Variants in CATSPERE observed in about 807,000 individuals in gnomAD.
CATSPERE encodes the protein cation channel sperm-associated auxiliary subunit epsilon.
A neutral mutation model predicts 114.1 loss-of-function variants in CATSPERE; 93 were observed. That is an observed-to-expected ratio of 0.81 (90% CI 0.69 to 0.97). CATSPERE has a LOEUF of 0.97. Among genes scored for constraint, CATSPERE ranks in the 50% least tolerant of loss-of-function variants. CATSPERE has a pLI of 0.00. For missense variants in CATSPERE, 1,058 were observed against 1,131.6 expected (o/e 0.93, Z 0.93); for synonymous variants, 341 against 384.1 (o/e 0.89, Z 1.31).
At chr1:244,479,612 A>C in intron 4 of CATSPERE, 105 bp from the exon 5 acceptor site, 88 of 540,256 alleles carry the variant, frequency 1.6e-4, no homozygotes, top group Non-Finnish European at 1.6e-4. Context: ...GCTTCCTCTG[A>C]TCGTGGATAA....
chr1:244,634,575 C>G (rs1354961742), intron 20 of CATSPERE, among the ~76,000 whole-genome samples: 1 of 152,154 alleles, frequency 6.6e-6, no homozygotes, highest in Non-Finnish European at 1.5e-5. Context: ...AATGATAATA[C>G]AGTTTTACAG....
intron 5 of CATSPERE, among the ~76,000 whole-genome samples, chr1:244,481,272 A>G (rs1216608082): frequency 6.6e-6 from 1 of 152,082 alleles, no homozygotes; most frequent in Non-Finnish European, 1.5e-5. Flanking sequence ...ACATGGTGAA[A>G]TCCCATCTCT....
At chr1:244,555,607 T>G (rs1001896156) in intron 9 of CATSPERE, among the ~76,000 whole-genome samples, 6 of 152,034 alleles carry the variant, frequency 3.9e-5, no homozygotes, top group Non-Finnish European at 7.4e-5. Flanking sequence ...GAGAAAGAAA[T>G]AAAAGGCATT....
At position 244,489,457 on chromosome 1, in the gene CATSPERE, T is replaced by TC. The variant is rs1012544758; in HGVS notation, c.327-990_327-989insC. Among the ~76,000 whole-genome samples, 30 of 22,606 alleles carry TC rather than the reference T, an allele frequency of 1.3e-3. 1 individual carries two copies. Among genetic ancestry groups the TC allele is most frequent in the Non-Finnish European group, 9.0e-4 (10 of 11,150 alleles). 14.8% of individuals were successfully genotyped at this position (22,606 alleles called of 152,430 possible). ...TATTAAGGAAGCATGCAGATTTTTT[T>TC]TTTTTTTTTTTTTTTTTTTTTTTTG... is the stretch of plus-strand genomic sequence containing the variant. On this transcript the variant is annotated intron_variant, in intron 5 of 21. Coordinates refer to ENST00000366534, the MANE Select transcript of CATSPERE (RefSeq NM_001130957.2).
Position 244,605,758 on chromosome 1 carries a change from C to T in CATSPERE, c.2367C>T (p.Gly789=). 2 of 1,613,264 alleles carry T rather than the reference C, an allele frequency of 1.2e-6. No homozygotes were observed. Among genetic ancestry groups the T allele is most frequent in the Non-Finnish European group, 1.7e-6 (2 of 1,179,450 alleles). The change falls in exon 18 of 22, where the codon GGC becomes GGT. Residue 789 remains glycine (G), a synonymous_variant. Coordinates refer to ENST00000366534, the MANE Select transcript of CATSPERE (RefSeq NM_001130957.2). ...EANFIVWEIH[G]RDDYSFNNTM... is the part of the protein sequence containing the mutation. ...ATTTCATAGTGTGGGAAATACACGG[C>T]AGGGATGACTATAGCTTTAATAATA... is the stretch of plus-strand genomic sequence containing the variant.
chr1:244,468,854 G>A (rs1668017135), intron 2 of CATSPERE, among the ~76,000 whole-genome samples: 1 of 152,110 alleles, frequency 6.6e-6, no homozygotes, highest in Non-Finnish European at 1.5e-5. Context: ...GCAGGGAGAG[G>A]CTGCAGTGAG....
At chr1:244,494,994 T>C (rs555792926) in intron 6 of CATSPERE, among the ~76,000 whole-genome samples, 1 of 152,282 alleles carries the variant, frequency 6.6e-6, no homozygotes, top group South Asian at 2.1e-4. Flanking sequence ...TAAGAGAACT[T>C]ACAGAAGTAG....
upstream of CATSPERE, among the ~76,000 whole-genome samples, chr1:244,459,709 A>G (rs1666486141): frequency 6.6e-6 from 1 of 152,188 alleles, no homozygotes; most frequent in Admixed American, 6.5e-5. Context: ...TAATGCTTTC[A>G]AATCTTTACT....
chr1:244,594,558 C>T (rs1668138178), intron 17 of CATSPERE, among the ~76,000 whole-genome samples: 1 of 152,032 alleles, frequency 6.6e-6, no homozygotes, highest in Non-Finnish European at 1.5e-5. Context: ...AGTGAATATC[C>T]ATTCATGTAC....
intron 21 of CATSPERE, among the ~76,000 whole-genome samples, chr1:244,637,958 G>C (rs1008676696): frequency 2.0e-5 from 3 of 152,080 alleles, no homozygotes; most frequent in Admixed American, 6.5e-5. Context: ...TACAACAAAG[G>C]CAATATTATT....
intron 11 of CATSPERE, among the ~76,000 whole-genome samples, chr1:244,577,383 T>G (rs1665441211): frequency 6.6e-6 from 1 of 152,210 alleles, no homozygotes; most frequent in Non-Finnish European, 1.5e-5. Flanking sequence ...TGGATAGATC[T>G]TCAAACACAG....
chr1:244,526,139 G>A (rs916849160), intron 8 of CATSPERE, among the ~76,000 whole-genome samples: 1 of 152,196 alleles, frequency 6.6e-6, no homozygotes, highest in African/African-American at 2.4e-5. Context: ...GGAAAGTGTG[G>A]TGACACATGC....
At position 244,596,986 on chromosome 1, in the gene CATSPERE, G is replaced by A. The variant is rs557072449; in HGVS notation, c.2303+3408G>A. Reference sequence around the variant, plus strand: ...TGTCTGCCTTCCTGTCACTATAGATGAACTGTCTGTGTATCTGTCTAAGGC... The same window carrying A: ...TGTCTGCCTTCCTGTCACTATAGATAAACTGTCTGTGTATCTGTCTAAGGC... On this transcript the variant is annotated intron_variant, in intron 17 of 21. Coordinates refer to ENST00000366534, the MANE Select transcript of CATSPERE (RefSeq NM_001130957.2). Among the ~76,000 whole-genome samples, 66 of 152,078 alleles carry A rather than the reference G, an allele frequency of 4.3e-4. 2 individuals carry two copies. The South Asian group carries it at 0.014, about 31-fold the overall frequency.
At chr1:244,525,487 A>G (rs544712490) in intron 8 of CATSPERE, among the ~76,000 whole-genome samples, 1 of 148,712 alleles carries the variant, frequency 6.7e-6, no homozygotes, top group East Asian at 1.9e-4. Context: ...CTTAAAGTAT[A>G]ATAATAATAA....
At chr1:244,501,936 G>T (rs1415535455) in intron 7 of CATSPERE, among the ~76,000 whole-genome samples, 1 of 152,142 alleles carries the variant, frequency 6.6e-6, no homozygotes, top group East Asian at 1.9e-4. Context: ...ACACACACCT[G>T]CTGTTCTATG....
chr1:244,456,601 C>T (rs562365969), upstream of CATSPERE, among the ~76,000 whole-genome samples: 1 of 152,122 alleles, frequency 6.6e-6, no homozygotes, highest in Non-Finnish European at 1.5e-5. Context: ...AAAATACAGA[C>T]ATTTGGTCTA....
At position 244,573,627 on chromosome 1, in the gene CATSPERE, G is replaced by A. The variant is rs2148581916; in HGVS notation, c.1950+855G>A. Reference sequence around the variant, plus strand: ...CACTTGCCTCTGCTGGATAACCCAGGTCTAGTGTTATCCTCCAGACTAGAC... The same window carrying A: ...CACTTGCCTCTGCTGGATAACCCAGATCTAGTGTTATCCTCCAGACTAGAC... On this transcript the variant is annotated intron_variant, in intron 11 of 21. Coordinates refer to ENST00000366534, the MANE Select transcript of CATSPERE (RefSeq NM_001130957.2). The surrounding 1 kb of genome is among the most constrained non-coding windows in gnomAD (Gnocchi z 4.0). Among the ~76,000 whole-genome samples the A allele has an allele frequency of 6.6e-6, 1 of 152,240 alleles. No homozygotes were observed. Among genetic ancestry groups the A allele is most frequent in the East Asian group, 1.9e-4 (1 of 5,164 alleles).
At position 244,552,822 on chromosome 1, in the gene CATSPERE, A is replaced by G; in HGVS notation, c.1029+8A>G. On this transcript the variant is annotated splice_region_variant and intron_variant, in intron 9 of 21. Transcript: ENST00000366534. ...GTCAATTATTTATTAAAGGTTAGTA[A>G]AAGATATTTTATATTTTATAAATAT... The G allele has an allele frequency of 1.5e-6, 2 of 1,325,184 alleles. No homozygotes were observed. Among genetic ancestry groups the G allele is most frequent in the Non-Finnish European group, 2.0e-6 (2 of 1,002,884 alleles). The allele number at this position is 1,325,184 out of a possible 1,614,324, so 82.1% of individuals were successfully genotyped here.
In CATSPERE at chr1:244,493,134, C is replaced by G. The variant is rs1672503604; in HGVS notation, c.351+2663C>G. Among the ~76,000 whole-genome samples the G allele has an allele frequency of 2.0e-5, 3 of 152,036 alleles. No homozygotes were observed. In the South Asian group the frequency reaches 6.2e-4, roughly 32 times the overall value. ...TGGAACCAAAAAAGAGCCCGCATCTCCAAGTCAATCCTAAGCCAAAAGAAC... is the reference window on the plus strand; with the variant it reads ...TGGAACCAAAAAAGAGCCCGCATCTGCAAGTCAATCCTAAGCCAAAAGAAC... On this transcript the variant is annotated intron_variant, in intron 6 of 21. Coordinates refer to ENST00000366534, the MANE Select transcript of CATSPERE (RefSeq NM_001130957.2).
Sources: gnomAD v4.1 joint callset for allele counts (sites outside exome capture counted in the v4.1 genomes callset) on GRCh38, gnomAD v4.1.1 for gene constraint, Gnocchi (gnomAD v3.1) non-coding constraint, MANE v1.5 for transcripts, NCBI Gene and HGNC (gene_info 2026-07-23, HGNC 2026-07-21) for gene names.